The following EPHA4 variants were observed in gnomAD, a reference collection of about 807,000 sequenced individuals.
EPHA4 encodes EPH receptor A4.
EPHA4 carries 19 observed loss-of-function variants against 108.3 expected under a neutral mutation model. That is an observed-to-expected ratio of 0.18 (90% CI 0.12 to 0.26). EPHA4 has a LOEUF of 0.26. Ranked by LOEUF, EPHA4 falls within the 10% of genes least tolerant of loss-of-function variation. The pLI is 1.00. For synonymous variants in EPHA4, 449 were observed against 455.5 expected, an observed-to-expected ratio of 0.99 and a Z score of 0.18; for missense variants, 917 against 1,254.0, an observed-to-expected ratio of 0.73 and a Z score of 4.06.
intron 3 of EPHA4, among the ~76,000 whole-genome samples, chr2:221,548,166 T>G (rs556412323): frequency 6.6e-6 from 1 of 152,242 alleles, no homozygotes; most frequent in East Asian, 1.9e-4. Flanking sequence ...CTCCCTCAGT[T>G]AGTTCACACA....
At chr2:221,442,124 G>A (rs1690448763) in intron 11 of EPHA4, among the ~76,000 whole-genome samples, 1 of 152,164 alleles carries the variant, frequency 6.6e-6, no homozygotes, top group African/African-American at 2.4e-5. Context: ...GTGTGTATGA[G>A]GGCTCTTGGA....
intron 4 of EPHA4, among the ~76,000 whole-genome samples, chr2:221,497,321 A>C: frequency 6.6e-6 from 1 of 152,202 alleles, no homozygotes; most frequent in South Asian, 2.1e-4. Flanking sequence ...TGAATATCAC[A>C]GTGTTGGTCA....
intron 3 of EPHA4, among the ~76,000 whole-genome samples, chr2:221,533,718 C>T (rs1477819773): frequency 1.0e-5 from 1 of 97,218 alleles, no homozygotes; most frequent in Non-Finnish European, 1.8e-5. Flanking sequence ...AATTTTGTGA[C>T]TAGTGTCAAA....
At chr2:221,550,541 C>T (rs940185208) in intron 3 of EPHA4, among the ~76,000 whole-genome samples, 2 of 151,056 alleles carry the variant, frequency 1.3e-5, no homozygotes, top group African/African-American at 4.9e-5. Flanking sequence ...TAATAGACAC[C>T]ATTTCCTTGT....
At chr2:221,465,279 T>C (rs1325145747) in intron 5 of EPHA4, among the ~76,000 whole-genome samples, 1 of 152,180 alleles carries the variant, frequency 6.6e-6, no homozygotes, top group Non-Finnish European at 1.5e-5. Flanking sequence ...TTTTTACTTT[T>C]GGTTTAATAG....
At chr2:221,529,064 TACA>T (rs1283343581) in intron 3 of EPHA4, among the ~76,000 whole-genome samples, 1 of 152,172 alleles carries the variant, frequency 6.6e-6, no homozygotes, top group African/African-American at 2.4e-5. Context: ...CAAGAGTACA[TACA>T]ATATAGTAAT....
In EPHA4 at chr2:221,418,810, C is replaced by G. The variant is rs1277320204; in HGVS notation, c.*2562G>C. The stretch of plus-strand genomic sequence containing the variant: ...AGACCCAGACCCTGAAGTTGGCCTC[C>G]TACCCTTACCTCTGGAAAAGATGAA... On this transcript the variant is annotated 3_prime_UTR_variant, in exon 18 of 18. Coordinates refer to ENST00000281821, the MANE Select transcript of EPHA4 (RefSeq NM_004438.5). 1 of 152,522 alleles carries G rather than the reference C, an allele frequency of 6.6e-6. No individual in the cohort carries two copies. Among genetic ancestry groups the G allele is most frequent in the Non-Finnish European group, 1.5e-5 (1 of 68,030 alleles). 9.4% of individuals were successfully genotyped at this position (152,522 alleles called of 1,614,324 possible). A position where few individuals can be genotyped will look rare whatever the true frequency, so the allele number is the denominator to read the frequency against.
chr2:221,536,086 GA>G (rs1693661839), intron 3 of EPHA4, among the ~76,000 whole-genome samples: 1 of 152,124 alleles, frequency 6.6e-6, no homozygotes. Flanking sequence ...AGCCTTTCTA[GA>G]TAACTGTCAA....
intron 3 of EPHA4, among the ~76,000 whole-genome samples, chr2:221,513,526 A>T (rs1692894496): frequency 6.6e-6 from 1 of 152,158 alleles, no homozygotes; most frequent in African/African-American, 2.4e-5. Context: ...CCTGAGAATC[A>T]CACACACAAG....
chr2:221,558,107 C>G (rs1429967205), intron 3 of EPHA4, among the ~76,000 whole-genome samples: 1 of 152,170 alleles, frequency 6.6e-6, no homozygotes, highest in Admixed American at 6.5e-5. Flanking sequence ...AAGCTATATT[C>G]TCTAATATAC....
intron 4 of EPHA4, among the ~76,000 whole-genome samples, chr2:221,489,090 C>T (rs181018951): frequency 1.2e-4 from 19 of 152,256 alleles, no homozygotes; most frequent in Admixed American, 9.8e-4. Context: ...AGAAATGTCT[C>T]CAGTGTGTCT....
At chr2:221,553,517 C>A (rs2106200554) in intron 3 of EPHA4, among the ~76,000 whole-genome samples, 2 of 152,290 alleles carry the variant, frequency 1.3e-5, no homozygotes, top group South Asian at 4.1e-4. Context: ...ACCTCTGACC[C>A]CTCAGATCTG....
At chr2:221,515,161 T>G (rs969539235) in intron 3 of EPHA4, among the ~76,000 whole-genome samples, 7 of 152,182 alleles carry the variant, frequency 4.6e-5, no homozygotes, top group Non-Finnish European at 1.0e-4. Context: ...AATGGCACGA[T>G]CTTGGCTCAC....
chr2:221,444,398 C>T (rs1318530512), intron 9 of EPHA4, among the ~76,000 whole-genome samples: 1 of 152,136 alleles, frequency 6.6e-6, no homozygotes. Flanking sequence ...TTGCACCTCT[C>T]CCTCCTGGAG....
At chr2:221,574,171 AACTTTT>A (rs757804335), upstream of EPHA4, 4 of 152,148 alleles carry the variant, frequency 2.6e-5, no homozygotes, top group Non-Finnish European at 5.9e-5. Context: ...TGACATGAGC[AACTTTT>A]ACTTTTACAC....
intron 5 of EPHA4, among the ~76,000 whole-genome samples, chr2:221,459,121 T>G (rs578238491): frequency 2.6e-5 from 4 of 152,064 alleles, no homozygotes; most frequent in Non-Finnish European, 4.4e-5. Flanking sequence ...GGGAAAAGCT[T>G]CAAACCTGCT....
chr2:221,496,155 T>C (rs1692286564), intron 4 of EPHA4, among the ~76,000 whole-genome samples: 1 of 152,160 alleles, frequency 6.6e-6, no homozygotes, highest in African/African-American at 2.4e-5. Flanking sequence ...AGAGTTACTC[T>C]GTGGATCATC....
intron 3 of EPHA4, among the ~76,000 whole-genome samples, chr2:221,517,878 G>A (rs1038014568): frequency 7.9e-5 from 12 of 152,174 alleles, no homozygotes; most frequent in South Asian, 2.1e-4. Flanking sequence ...GATAGCAGCT[G>A]CATGACAGCA....
chr2:221,484,418 C>T (rs1050368465), intron 4 of EPHA4, among the ~76,000 whole-genome samples: 4 of 152,182 alleles, frequency 2.6e-5, no homozygotes, highest in Non-Finnish European at 5.9e-5. Context: ...CCAACAACCT[C>T]TTTAAGCATT....
Sources: gnomAD v4.1 joint callset for allele counts (sites outside exome capture counted in the v4.1 genomes callset) on GRCh38, gnomAD v4.1.1 for gene constraint, MANE v1.5 for transcripts, NCBI Gene and HGNC (gene_info 2026-07-23, HGNC 2026-07-21) for gene names.